The following EXOC4 variants were observed in gnomAD, a reference collection of about 807,000 sequenced individuals.
The protein encoded by EXOC4 is SEC8-like 1.
In EXOC4, 71 loss-of-function variants were observed where a neutral mutation model predicts 107.2. The ratio of observed to expected loss-of-function variants is 0.66; its 90% CI spans 0.55 to 0.81. The LOEUF (loss-of-function observed/expected upper bound fraction) is 0.81. EXOC4 is among the 30% of genes least tolerant of loss of function. EXOC4 has a pLI of 0.00. For missense variants in EXOC4, 1,108 were observed against 1,189.6 expected, an observed-to-expected ratio of 0.93 and a Z score of 1.01; for synonymous variants, 456 against 441.2, an observed-to-expected ratio of 1.03 and a Z score of -0.42.
intron 12 of EXOC4, among the ~76,000 whole-genome samples, chr7:133,907,299 T>TA (rs1387693736): frequency 2.0e-5 from 3 of 152,240 alleles, no homozygotes; most frequent in Non-Finnish European, 2.9e-5. Context: ...TTTATGCTGG[T>TA]ATTTATTCCA....
At chr7:133,408,857 A>G (rs1451620377) in intron 7 of EXOC4, among the ~76,000 whole-genome samples, 1 of 152,212 alleles carries the variant, frequency 6.6e-6, no homozygotes, top group Non-Finnish European at 1.5e-5. Context: ...TGGGACTAGT[A>G]TAAGATGGTC....
chr7:133,661,577 C>T (rs542130471), intron 10 of EXOC4, among the ~76,000 whole-genome samples: 12 of 150,318 alleles, frequency 8.0e-5, no homozygotes, highest in African/African-American at 2.7e-4. Flanking sequence ...AGTTCCATCT[C>T]TCGGCTTTGG....
At chr7:133,290,812 TAGC>T (rs1288837524) in intron 3 of EXOC4, 1 of 152,220 alleles carries the variant, frequency 6.6e-6, no homozygotes, top group Non-Finnish European at 1.5e-5. Context: ...AATTCAACTC[TAGC>T]TAGCTTAAGT....
At chr7:134,087,256 T>C in the EXOC4 span, among the ~76,000 whole-genome samples, 1 of 152,168 alleles carries the variant, frequency 6.6e-6, no homozygotes, top group Admixed American at 6.5e-5. Context: ...TGAAGATCTA[T>C]CTTCTGTAAC....
intron 10 of EXOC4, among the ~76,000 whole-genome samples, chr7:133,695,338 G>T (rs996206129): frequency 6.6e-6 from 1 of 152,236 alleles, no homozygotes; most frequent in African/African-American, 2.4e-5. Flanking sequence ...ATTTCAATGT[G>T]TGCATGTATT....
intron 4 of EXOC4, chr7:133,314,883 G>GA (rs1794954415): frequency 1.3e-5 from 2 of 151,914 alleles, no homozygotes; most frequent in Admixed American, 6.6e-5. Flanking sequence ...TAAAGTTGAA[G>GA]TTTTTTTTAC....
At chr7:133,610,593 C>G (rs1029737050) in intron 9 of EXOC4, among the ~76,000 whole-genome samples, 6 of 152,066 alleles carry the variant, frequency 3.9e-5, no homozygotes, top group Non-Finnish European at 7.4e-5. Context: ...CTCCATTTCT[C>G]TCACCTAAAC....
At chr7:133,606,718 G>A (rs567670090) in intron 9 of EXOC4, among the ~76,000 whole-genome samples, 1 of 151,932 alleles carries the variant, frequency 6.6e-6, no homozygotes, top group South Asian at 2.1e-4. Flanking sequence ...GTTTTACCAT[G>A]TTGGCCAGGC....
At chr7:133,446,621 C>T (rs1222695435) in intron 7 of EXOC4, among the ~76,000 whole-genome samples, 1 of 152,142 alleles carries the variant, frequency 6.6e-6, no homozygotes, top group Non-Finnish European at 1.5e-5. Context: ...TTAGAAACTC[C>T]TAGTGATTTG....
chr7:133,771,131 A>G (rs1189273859), intron 10 of EXOC4, among the ~76,000 whole-genome samples: 1 of 151,940 alleles, frequency 6.6e-6, no homozygotes, highest in Admixed American at 6.6e-5. Flanking sequence ...AAAGATATAG[A>G]CTTATAGAGA....
chr7:133,378,036 C>A (rs932930532), intron 7 of EXOC4, among the ~76,000 whole-genome samples: 1 of 151,794 alleles, frequency 6.6e-6, no homozygotes. Context: ...TTCAGCCATG[C>A]GCGATGGCTC....
At chr7:133,757,550 G>A (rs191642162) in intron 10 of EXOC4, among the ~76,000 whole-genome samples, 330 of 152,358 alleles carry the variant, frequency 2.2e-3, no homozygotes, top group Non-Finnish European at 3.6e-3. Context: ...GGAATCCCAA[G>A]TTGGATTAAA....
chr7:133,555,258 G>A (rs994204927), intron 9 of EXOC4, among the ~76,000 whole-genome samples: 70 of 152,126 alleles, frequency 4.6e-4, no homozygotes, highest in Admixed American at 4.6e-3. Flanking sequence ...TTAGCGATGT[G>A]TTAACTATTT....
At chr7:133,948,787 A>C (rs1343322530) in intron 14 of EXOC4, among the ~76,000 whole-genome samples, 1 of 152,218 alleles carries the variant, frequency 6.6e-6, no homozygotes, top group Non-Finnish European at 1.5e-5. Context: ...AAAGTTTGGC[A>C]GTTTCCCAAG....
At chr7:133,450,306 A>AG (rs1053795695) in intron 7 of EXOC4, among the ~76,000 whole-genome samples, 2 of 152,054 alleles carry the variant, frequency 1.3e-5, no homozygotes, top group Non-Finnish European at 2.9e-5. Flanking sequence ...TTGGGACTAC[A>AG]GGGGTGTGTC....
chr7:133,983,542 T>C (rs1381332383), intron 14 of EXOC4, among the ~76,000 whole-genome samples: 2 of 152,178 alleles, frequency 1.3e-5, no homozygotes. Context: ...CAATTTTAAA[T>C]TGTCCTAATG....
At position 133,844,378 on chromosome 7, in the gene EXOC4, C is replaced by CTTT. The variant is rs761535651; in HGVS notation, c.1734+26862_1734+26864dup. Among the ~76,000 whole-genome samples, 428 of 83,388 alleles carry CTTT rather than the reference C, an allele frequency of 5.1e-3. 72 individuals carry two copies. The highest frequency in any genetic ancestry group is 0.02 in the African/African-American group (355 of 17,354). 54.7% of individuals were successfully genotyped at this position (83,388 alleles called of 152,430 possible). ...TAATTTCTTGGATTCCCACATATTC[C>CTTT]TTTTTTTTTTTTTTTTTTTTTTTTT... On this transcript the variant is annotated intron_variant, in intron 11 of 17. Coordinates refer to ENST00000253861, the MANE Select transcript of EXOC4 (RefSeq NM_021807.4).
At chr7:133,851,274 A>G (rs994584206) in intron 11 of EXOC4, among the ~76,000 whole-genome samples, 1 of 152,232 alleles carries the variant, frequency 6.6e-6, no homozygotes, top group Non-Finnish European at 1.5e-5. Flanking sequence ...GATGGTCTCT[A>G]GTAGTCAAAA....
At chr7:133,798,804 A>G (rs750217826) in intron 10 of EXOC4, among the ~76,000 whole-genome samples, 2 of 152,206 alleles carry the variant, frequency 1.3e-5, no homozygotes, top group Non-Finnish European at 1.5e-5. Flanking sequence ...AAAAAATAAA[A>G]TAAAATAAAA....
Sources: gnomAD v4.1 joint callset for allele counts (sites outside exome capture counted in the v4.1 genomes callset) on GRCh38, gnomAD v4.1.1 for gene constraint, MANE v1.5 for transcripts, NCBI Gene and HGNC (gene_info 2026-07-23, HGNC 2026-07-21) for gene names.